Variants in PPP2R5A observed in about 807,000 individuals in gnomAD.
PPP2R5A encodes the protein serine/threonine-protein phosphatase 2A 56 kDa regulatory subunit alpha isoform.
Under a neutral mutation model 64.2 loss-of-function variants are expected in PPP2R5A, and 25 were observed. That is an observed-to-expected ratio of 0.39 (90% CI 0.28 to 0.54). The LOEUF is 0.54. PPP2R5A is among the 20% of genes least tolerant of loss of function. The pLI, the probability that PPP2R5A is intolerant of heterozygous loss-of-function variation, is 0.67. For missense variants in PPP2R5A, 425 were observed against 576.3 expected, an observed-to-expected ratio of 0.74 and a Z score of 2.69; for synonymous variants, 198 against 201.2, an observed-to-expected ratio of 0.98 and a Z score of 0.13.
chr1:212,315,812 T>G (rs1659139792), intron 1 of PPP2R5A, among the ~76,000 whole-genome samples: 1 of 152,240 alleles, frequency 6.6e-6, no homozygotes, highest in African/African-American at 2.4e-5. Flanking sequence ...AGCAAGTCTG[T>G]TGGTCCCATT....
intron 1 of PPP2R5A, among the ~76,000 whole-genome samples, chr1:212,313,234 T>C (rs1659072910): frequency 6.6e-6 from 1 of 152,244 alleles, no homozygotes; most frequent in African/African-American, 2.4e-5. Context: ...TTCTAGCATC[T>C]GAAAACAATT....
intron 1 of PPP2R5A, among the ~76,000 whole-genome samples, chr1:212,322,669 C>T (rs936009053): frequency 2.0e-5 from 3 of 152,150 alleles, no homozygotes; most frequent in Non-Finnish European, 4.4e-5. Flanking sequence ...TTTACCTTAG[C>T]TGCCAAGAAA....
In PPP2R5A at chr1:212,286,300, C is replaced by T; in HGVS notation, c.181+9C>T. On this transcript the variant is annotated intron_variant, in intron 1 of 12. Coordinates refer to ENST00000261461, the MANE Select transcript of PPP2R5A (RefSeq NM_006243.4). ...GCTGCCCCAGCTCAAAGGTAACCTC[C>T]GAGGGCGCAGCCCCAGCAGCGAGCG... is the stretch of plus-strand genomic sequence containing the variant. The T allele has an allele frequency of 6.7e-7, 1 of 1,501,204 alleles. No individual in the cohort carries two copies. The highest frequency in any genetic ancestry group is 8.9e-7 in the Non-Finnish European group (1 of 1,125,218). 93.0% of individuals were successfully genotyped at this position (1,501,204 alleles called of 1,614,324 possible). A position where few individuals can be genotyped will look rare whatever the true frequency, so the allele number is the denominator to read the frequency against.
At position 212,301,860 on chromosome 1, in the gene PPP2R5A, T is replaced by C. The variant is rs1658804173; in HGVS notation, c.181+15569T>C. The C allele has an allele frequency of 3.8e-6, 5 of 1,301,308 alleles. No homozygotes were observed. In the East Asian group the frequency reaches 1.5e-4, roughly 40 times the overall value. The allele number at this position is 1,301,308 out of a possible 1,614,324, so 80.6% of individuals were successfully genotyped here. On this transcript the variant is annotated intron_variant, in intron 1 of 12. Transcript: ENST00000261461. Reference sequence around the variant, plus strand: ...GCATGAATCCTATATGAGATCTTACTTTAGATTTCAAGTATGTTAGCAGCA... The same window carrying C: ...GCATGAATCCTATATGAGATCTTACCTTAGATTTCAAGTATGTTAGCAGCA...
At chr1:212,336,828 G>T (rs556320132) in intron 3 of PPP2R5A, among the ~76,000 whole-genome samples, 1 of 151,994 alleles carries the variant, frequency 6.6e-6, no homozygotes, top group African/African-American at 2.4e-5. Context: ...CTTTTGTTTC[G>T]TACTAAAAGT....
At chr1:212,348,603 C>T (rs1247897117) in intron 7 of PPP2R5A, 106 bp downstream of exon 7, 1 of 855,922 alleles carries the variant, frequency 1.2e-6, no homozygotes, top group African/African-American at 1.8e-5. Flanking sequence ...TATAATTAAG[C>T]AATTTGCTTA....
intron 1 of PPP2R5A, among the ~76,000 whole-genome samples, chr1:212,304,513 C>T (rs1658859609): frequency 1.3e-5 from 2 of 151,968 alleles, no homozygotes; most frequent in East Asian, 3.9e-4. Context: ...CACGCCATTA[C>T]ACTCCAGCCT....
chr1:212,296,802 A>C (rs1658698886), intron 1 of PPP2R5A, among the ~76,000 whole-genome samples: 1 of 152,246 alleles, frequency 6.6e-6, no homozygotes, highest in Non-Finnish European at 1.5e-5. Flanking sequence ...ATCATACAAT[A>C]ATTTACAATT....
At chr1:212,287,496 A>G (rs1234345136) in intron 1 of PPP2R5A, among the ~76,000 whole-genome samples, 1 of 152,216 alleles carries the variant, frequency 6.6e-6, no homozygotes, top group African/African-American at 2.4e-5. Flanking sequence ...CAACAGCTCC[A>G]GAACCCTATT....
At chr1:212,356,144 C>CT (rs1357750241) in intron 8 of PPP2R5A, among the ~76,000 whole-genome samples, 1 of 152,120 alleles carries the variant, frequency 6.6e-6, no homozygotes, top group African/African-American at 2.4e-5. Context: ...ATGAAATAGA[C>CT]TGAGAAGCTG....
intron 4 of PPP2R5A, among the ~76,000 whole-genome samples, chr1:212,344,858 A>T (rs1391453897): frequency 6.6e-6 from 1 of 152,116 alleles, no homozygotes; most frequent in East Asian, 1.9e-4. Context: ...TTTTTCAGCT[A>T]TTTGCTAAGC....
chr1:212,316,499 A>G (rs1256449054), intron 1 of PPP2R5A, among the ~76,000 whole-genome samples: 3 of 150,544 alleles, frequency 2.0e-5, no homozygotes, highest in African/African-American at 7.3e-5. Context: ...CTAGACTGGC[A>G]TTAGAATTCT....
At chr1:212,324,760 A>G (rs887070970) in intron 1 of PPP2R5A, among the ~76,000 whole-genome samples, 1 of 152,138 alleles carries the variant, frequency 6.6e-6, no homozygotes, top group African/African-American at 2.4e-5. Context: ...GCCTGCCACC[A>G]TGCCCGGCTA....
intron 4 of PPP2R5A, among the ~76,000 whole-genome samples, chr1:212,344,623 AT>A (rs1659741760): frequency 6.6e-6 from 1 of 152,216 alleles, no homozygotes; most frequent in African/African-American, 2.4e-5. Flanking sequence ...TAGAGAGAGT[AT>A]TTTATATTTT....
At chr1:212,309,483 AG>A in intron 1 of PPP2R5A, 1 of 801,012 alleles carries the variant, frequency 1.2e-6, no homozygotes, top group Non-Finnish European at 2.2e-6. Flanking sequence ...CGGCTTTAGA[AG>A]GGGCAGGAGC....
intron 1 of PPP2R5A, among the ~76,000 whole-genome samples, chr1:212,292,665 T>C (rs532324269): frequency 6.6e-6 from 1 of 152,192 alleles, no homozygotes; most frequent in Non-Finnish European, 1.5e-5. Context: ...CTCAAACTTC[T>C]GGGCTCAGGC....
intron 1 of PPP2R5A, among the ~76,000 whole-genome samples, chr1:212,290,481 CTA>C (rs1281736664): frequency 6.6e-6 from 1 of 152,070 alleles, no homozygotes; most frequent in Non-Finnish European, 1.5e-5. Context: ...CATTTTAGGA[CTA>C]TTTTCTGAGA....
chr1:212,348,263 A>C, intron 6 of PPP2R5A, 126 bp from the exon 7 acceptor site: 1 of 648,956 alleles, frequency 1.5e-6, no homozygotes, highest in Admixed American at 3.1e-5. Context: ...AGTAGTTTGA[A>C]GATGAGCAGT....
intron 1 of PPP2R5A, chr1:212,307,043 G>A (rs1658928456): frequency 6.6e-6 from 1 of 152,166 alleles, no homozygotes; most frequent in Non-Finnish European, 1.5e-5. Context: ...ACAGGCGTGA[G>A]TCACCATGCC....
Sources: allele counts gnomAD v4.1 joint callset (sites outside exome capture counted in the v4.1 genomes callset), GRCh38; gene constraint gnomAD v4.1.1; transcripts MANE v1.5; gene names NCBI Gene and HGNC (gene_info 2026-07-23, HGNC 2026-07-21).